TENM2: variants seen among roughly 807,000 people sequenced by gnomAD.
TENM2 encodes the protein teneurin-2.
In TENM2, 52 loss-of-function variants were observed where a neutral mutation model predicts 245.2. The observed-to-expected ratio is 0.21, with a 90% CI of 0.17 to 0.27. The LOEUF is 0.27. TENM2 is among the 10% of genes least tolerant of loss of function. The pLI is 1.00. For missense variants in TENM2, 3,046 were observed against 3,666.8 expected, an observed-to-expected ratio of 0.83 and a Z score of 4.37; for synonymous variants, 1,363 against 1,438.9, an observed-to-expected ratio of 0.95 and a Z score of 1.19.
intron 2 of TENM2, among the ~76,000 whole-genome samples, chr5:167,536,251 C>T (rs1771833832): frequency 6.6e-6 from 1 of 151,868 alleles, no homozygotes; most frequent in South Asian, 2.1e-4. Context: ...TGGCATGTGG[C>T]TACAAATAAA....
intron 1 of TENM2, among the ~76,000 whole-genome samples, chr5:167,308,606 C>G (rs539288433): frequency 1.3e-5 from 2 of 152,278 alleles, no homozygotes; most frequent in African/African-American, 4.8e-5. Context: ...GCCGCACTGC[C>G]CAGCAGAGAC....
intron 2 of TENM2, among the ~76,000 whole-genome samples, chr5:167,691,106 T>C (rs1757407646): frequency 6.6e-6 from 1 of 152,170 alleles, no homozygotes; most frequent in African/African-American, 2.4e-5. Context: ...CAAAGTTGTT[T>C]GACACTTTGT....
At chr5:167,745,864 A>G (rs930977544) in intron 2 of TENM2, among the ~76,000 whole-genome samples, 6 of 152,204 alleles carry the variant, frequency 3.9e-5, no homozygotes, top group Non-Finnish European at 5.9e-5. Context: ...ATACAGGTTT[A>G]CCACGTTTTC....
At chr5:167,244,816 A>C in the TENM2 span, among the ~76,000 whole-genome samples, 1 of 152,266 alleles carries the variant, frequency 6.6e-6, no homozygotes, top group South Asian at 2.1e-4. Flanking sequence ...GGATGCACCC[A>C]GAGTGCCATC....
At chr5:167,864,647 T>A (rs7727154) in intron 2 of TENM2, among the ~76,000 whole-genome samples, 4,801 of 152,250 alleles carry the variant, frequency 0.032, 236 homozygotes, top group African/African-American at 0.11. Flanking sequence ...AAAACCTAAT[T>A]AAATTCTCTG....
At chr5:167,445,328 TATATATATAG>T (rs1473341098) in intron 2 of TENM2, among the ~76,000 whole-genome samples, 1 of 33,178 alleles carries the variant, frequency 3.0e-5, no homozygotes, top group Non-Finnish European at 4.8e-5. Flanking sequence ...TATATATATA[TATATATATAG>T]AGAGAGAGAG....
At chr5:167,163,122 G>A in the TENM2 span, among the ~76,000 whole-genome samples, 2 of 152,136 alleles carry the variant, frequency 1.3e-5, no homozygotes, top group Non-Finnish European at 2.9e-5. Flanking sequence ...TTCTTCAGAG[G>A]TGGGGGGTCT....
At chr5:167,781,421 T>C (rs1471329776) in intron 2 of TENM2, among the ~76,000 whole-genome samples, 1 of 152,196 alleles carries the variant, frequency 6.6e-6, no homozygotes, top group Non-Finnish European at 1.5e-5. Context: ...ATAAAGGTAC[T>C]ACAGTATTAA....
chr5:167,884,863 A>G (rs1168684469), intron 3 of TENM2, among the ~76,000 whole-genome samples: 1 of 152,188 alleles, frequency 6.6e-6, no homozygotes, highest in Non-Finnish European at 1.5e-5. Flanking sequence ...ACCACTGTAC[A>G]TTCCCACCAG....
chr5:168,033,825 G>A (rs1344320428), intron 5 of TENM2, among the ~76,000 whole-genome samples: 6 of 151,724 alleles, frequency 4.0e-5, no homozygotes, highest in Middle Eastern at 3.2e-3. Context: ...TCAGGAGTTC[G>A]AGACCAGCCT....
chr5:168,058,376 A>G (rs1021108458), intron 6 of TENM2, among the ~76,000 whole-genome samples: 1 of 152,174 alleles, frequency 6.6e-6, no homozygotes, highest in Non-Finnish European at 1.5e-5. Context: ...TCTCTGCCTG[A>G]CCTCAGGGAG....
Position 167,993,939 on chromosome 5 carries a change from CCACAGAA to C in TENM2, c.1186+758_1186+764del, listed in dbSNP as rs1287757625. 5.9e-5 allele frequency among the ~76,000 whole-genome samples: 9 copies of C among 152,350 alleles called. No homozygotes were observed. In the East Asian group the frequency reaches 1.7e-3, roughly 29 times the overall value. On this transcript the variant is annotated intron_variant, in intron 5 of 28. Transcript: ENST00000518659. ...ACAGCCATAGGGTGTAGCCGTGTCACCACAGAAAGTGGCAGATGCTGAGCGCCCAGGG... is the reference window on the plus strand; with the variant it reads ...ACAGCCATAGGGTGTAGCCGTGTCACAGTGGCAGATGCTGAGCGCCCAGGG...
chr5:167,884,146 C>T (rs1421123449), intron 3 of TENM2, among the ~76,000 whole-genome samples: 3 of 152,222 alleles, frequency 2.0e-5, no homozygotes, highest in East Asian at 1.9e-4. Context: ...AATGACATTC[C>T]GATACATCTA....
At chr5:167,159,924 C>T in the TENM2 span, among the ~76,000 whole-genome samples, 1 of 152,190 alleles carries the variant, frequency 6.6e-6, no homozygotes, top group East Asian at 1.9e-4. Flanking sequence ...ACTTCACATA[C>T]AAACAGTCCC....
intron 1 of TENM2, among the ~76,000 whole-genome samples, chr5:167,374,575 A>G (rs1281023293): frequency 6.6e-6 from 1 of 152,158 alleles, no homozygotes; most frequent in Admixed American, 6.5e-5. Context: ...TAAGGGAATT[A>G]CCATAAATGA....
At chr5:167,450,822 C>A (rs12658474) in intron 2 of TENM2, among the ~76,000 whole-genome samples, 33,669 of 151,810 alleles carry the variant, frequency 0.22, 4,238 homozygotes, top group East Asian at 0.29. Flanking sequence ...ACATTAGATA[C>A]CTTACTGGGT....
chr5:168,078,428 A>C (rs1319675677), intron 7 of TENM2, among the ~76,000 whole-genome samples: 1 of 151,890 alleles, frequency 6.6e-6, no homozygotes, highest in Non-Finnish European at 1.5e-5. Flanking sequence ...AAGCTCTTTA[A>C]TTTAATTAGA....
intron 2 of TENM2, among the ~76,000 whole-genome samples, chr5:167,550,694 TTGTTAG>T (rs1237439516): frequency 1.5e-5 from 2 of 134,874 alleles, no homozygotes; most frequent in Non-Finnish European, 3.1e-5. Flanking sequence ...TTTTTTGTTG[TTGTTAG>T]TGTGTGTGTG....
chr5:167,908,756 A>C (rs1172315320), intron 3 of TENM2, among the ~76,000 whole-genome samples: 2 of 150,846 alleles, frequency 1.3e-5, no homozygotes, highest in African/African-American at 4.9e-5. Context: ...GTTCTCAACA[A>C]ATATGCCCTG....
Sources: allele counts gnomAD v4.1 joint callset (sites outside exome capture counted in the v4.1 genomes callset), GRCh38; gene constraint gnomAD v4.1.1; transcripts MANE v1.5; gene names NCBI Gene and HGNC (gene_info 2026-07-23, HGNC 2026-07-21).